ACSL4: variants seen among roughly 807,000 people sequenced by gnomAD.
ACSL4 encodes the protein acyl-CoA synthetase long chain family member 4, also known as long-chain-fatty-acid--CoA ligase 4.
A neutral mutation model predicts 49.1 loss-of-function variants in ACSL4; 9 were observed. The observed-to-expected ratio is 0.18, with a 90% CI of 0.11 to 0.32. ACSL4 has a LOEUF of 0.32. ACSL4 is among the 10% of genes least tolerant of loss of function. ACSL4 has a pLI of 1.00. For synonymous variants in ACSL4, 191 were observed against 170.3 expected (o/e 1.12, Z -0.95); for missense variants, 333 against 493.7 (o/e 0.67, Z 3.08).
intron 1 of ACSL4, among the ~76,000 whole-genome samples, chrX:109,716,094 C>T (rs1193251852): frequency 1.1e-4 from 12 of 111,747 alleles, no homozygotes; most frequent in Admixed American, 1.1e-3. Context: ...ATTACAGGTA[C>T]ATGTGCGTGC....
At chrX:109,682,992 C>T (rs1319276051) in intron 3 of ACSL4, 96 bp from the exon 4 acceptor site, 2 of 1,052,586 alleles carry the variant, frequency 1.9e-6, no homozygotes, top group Admixed American at 5.0e-5. Context: ...CTTAAATGAA[C>T]ATACAGAAGC....
At chrX:109,730,713 T>C (rs1302553460) in intron 1 of ACSL4, among the ~76,000 whole-genome samples, 4 of 112,613 alleles carry the variant, frequency 3.6e-5, no homozygotes, top group African/African-American at 9.7e-5. Context: ...TAAGGCAGTA[T>C]GTGAGTGCGG....
rs1327012929 is a variant in ACSL4 at position 109,647,955 on chromosome X, C to T, written c.1856-3769G>A. 1.4e-4 allele frequency among the ~76,000 whole-genome samples: 16 copies of T among 110,874 alleles called. No individual in the cohort carries two copies. In the Admixed American group the frequency reaches 1.5e-3, roughly 11 times the overall value. On this transcript the variant is annotated intron_variant, in intron 15 of 15. Coordinates refer to ENST00000672401, the MANE Select transcript of ACSL4 (RefSeq NM_001318510.2). Reference sequence around the variant, plus strand: ...TGGATAAATTCCTGGACACATACACCCTCCCAAGACTAAACCAGGAAGAAG... The same window carrying T: ...TGGATAAATTCCTGGACACATACACTCTCCCAAGACTAAACCAGGAAGAAG...
At chrX:109,696,973 G>A (rs1003888149) in intron 1 of ACSL4, among the ~76,000 whole-genome samples, 1 of 111,778 alleles carries the variant, frequency 8.9e-6, no homozygotes, top group Non-Finnish European at 1.9e-5. Context: ...GAGTCTGGGA[G>A]GTCAAGGCTG....
Position 109,682,915 on chromosome X carries a change from C to A in ACSL4, c.229-19G>T, listed in dbSNP as rs779811960. On this transcript the variant is annotated intron_variant, in intron 3 of 15. Transcript: ENST00000672401. ...GAATTAACTGTTAAAGTGATACATT[C>A]TCTAATATTAGTATATTCAAACAAG... 1 of 1,182,420 alleles carries A rather than the reference C, an allele frequency of 8.5e-7. No homozygotes were observed. Among genetic ancestry groups the A allele is most frequent in the East Asian group, 3.0e-5 (1 of 33,732 alleles).
At chrX:109,678,822 T>C (rs1475011765) in intron 6 of ACSL4, among the ~76,000 whole-genome samples, 3 of 112,683 alleles carry the variant, frequency 2.7e-5, no homozygotes, top group African/African-American at 9.6e-5. Flanking sequence ...AAAACAAAAA[T>C]GTTTATCAAA....
At chrX:109,660,633 A>T (rs1922099309) in intron 14 of ACSL4, among the ~76,000 whole-genome samples, 1 of 111,843 alleles carries the variant, frequency 8.9e-6, no homozygotes, top group East Asian at 2.8e-4. Flanking sequence ...TTGCATACGC[A>T]TTTTCCTAGG....
intron 1 of ACSL4, among the ~76,000 whole-genome samples, chrX:109,727,674 TG>T (rs1928115614): frequency 2.4e-5 from 1 of 41,231 alleles, no homozygotes; most frequent in Non-Finnish European, 8.4e-5. Context: ...TGTGTGTGTG[TG>T]TGTGTGTGTG....
chrX:109,695,102 T>C (rs1301564476), intron 2 of ACSL4, among the ~76,000 whole-genome samples: 2 of 111,168 alleles, frequency 1.8e-5, no homozygotes, highest in Admixed American at 9.5e-5. Context: ...ATCCCAGCAC[T>C]TTGGGAGGCC....
chrX:109,671,502 G>A (rs751401835), intron 9 of ACSL4, among the ~76,000 whole-genome samples: 183 of 109,089 alleles, frequency 1.7e-3, no homozygotes, highest in African/African-American at 5.4e-3. Context: ...GGTGGCAGGC[G>A]GGCGCCTCTG....
At chrX:109,725,544 C>T (rs1236811869) in intron 1 of ACSL4, among the ~76,000 whole-genome samples, 2 of 110,759 alleles carry the variant, frequency 1.8e-5, no homozygotes, top group South Asian at 3.8e-4. Context: ...GGGCGGATCA[C>T]GAGGTCAGGA....
At chrX:109,680,526 G>T (rs1924080659) in intron 6 of ACSL4, among the ~76,000 whole-genome samples, 1 of 112,509 alleles carries the variant, frequency 8.9e-6, no homozygotes, top group Non-Finnish European at 1.9e-5. Context: ...ACACTTACTT[G>T]TTTCAAATGA....
At chrX:109,690,850 G>A (rs982136818) in intron 2 of ACSL4, among the ~76,000 whole-genome samples, 6 of 110,395 alleles carry the variant, frequency 5.4e-5, no homozygotes, top group African/African-American at 2.0e-4. Flanking sequence ...GTTCTGAGGT[G>A]AGATTTAATA....
intron 1 of ACSL4, among the ~76,000 whole-genome samples, chrX:109,724,826 C>T (rs1401701763): frequency 1.8e-5 from 2 of 110,478 alleles, no homozygotes; most frequent in East Asian, 5.8e-4. Flanking sequence ...GCAGAAGAAT[C>T]GCTTGAATCT....
intron 1 of ACSL4, among the ~76,000 whole-genome samples, chrX:109,728,058 A>G (rs990360889): frequency 8.9e-6 from 1 of 112,600 alleles, no homozygotes; most frequent in Non-Finnish European, 1.9e-5. Flanking sequence ...ACTGCCTTAC[A>G]GAAATGAATA....
chrX:109,669,896 T>C (rs1923033782), intron 9 of ACSL4, among the ~76,000 whole-genome samples: 1 of 112,450 alleles, frequency 8.9e-6, no homozygotes, highest in Non-Finnish European at 1.9e-5. Context: ...GCAGAAAGCA[T>C]TAGTTTCTTA....
chrX:109,688,399 T>A (rs190121905), intron 2 of ACSL4, among the ~76,000 whole-genome samples: 1 of 112,162 alleles, frequency 8.9e-6, no homozygotes, highest in African/African-American at 3.2e-5. Flanking sequence ...TAATTTTCCC[T>A]GCTCTTCTGA....
chrX:109,692,451 T>C (rs1925111137), intron 2 of ACSL4, among the ~76,000 whole-genome samples: 1 of 112,307 alleles, frequency 8.9e-6, no homozygotes, highest in Non-Finnish European at 1.9e-5. Context: ...TTAAGGAATC[T>C]TGAGGATAAA....
At chrX:109,721,589 AG>A (rs1927555764) in intron 1 of ACSL4, among the ~76,000 whole-genome samples, 1 of 110,141 alleles carries the variant, frequency 9.1e-6, no homozygotes. Context: ...AAAATTAGCC[AG>A]GCGTGGTAGT....
Sources: allele counts gnomAD v4.1 joint callset (sites outside exome capture counted in the v4.1 genomes callset), GRCh38; gene constraint gnomAD v4.1.1; transcripts MANE v1.5; gene names NCBI Gene and HGNC (gene_info 2026-07-23, HGNC 2026-07-21).